CNTNAP2: variants seen among roughly 807,000 people sequenced by gnomAD.
CNTNAP2 encodes contactin-associated protein-like 2.
In CNTNAP2, 98 loss-of-function variants were observed where a neutral mutation model predicts 155.2. That is an observed-to-expected ratio of 0.63 (90% CI 0.54 to 0.75). The LOEUF is 0.75. Among genes scored for constraint, CNTNAP2 ranks in the 30% least tolerant of loss-of-function variants. The pLI is 0.00. For missense variants in CNTNAP2, 1,727 were observed against 1,688.1 expected (o/e 1.02, Z -0.40); for synonymous variants, 651 against 631.2 (o/e 1.03, Z -0.47).
chr7:148,282,905 A>G (rs912587487), intron 21 of CNTNAP2, among the ~76,000 whole-genome samples: 2 of 152,164 alleles, frequency 1.3e-5, no homozygotes, highest in Non-Finnish European at 2.9e-5. Context: ...ATACTTTTGC[A>G]TACCCAATTG....
chr7:148,102,138 A>G (rs1804113726), intron 15 of CNTNAP2, among the ~76,000 whole-genome samples: 1 of 151,954 alleles, frequency 6.6e-6, no homozygotes, highest in African/African-American at 2.4e-5. Context: ...TCCAGCCTCC[A>G]CCCTCAAGTA....
At chr7:146,688,679 G>A (rs765824045) in intron 1 of CNTNAP2, among the ~76,000 whole-genome samples, 18 of 152,100 alleles carry the variant, frequency 1.2e-4, no homozygotes, top group African/African-American at 2.4e-4. Flanking sequence ...CACTTTTGTC[G>A]TTCTTCAGTT....
chr7:146,368,422 A>C (rs937025598), intron 1 of CNTNAP2, among the ~76,000 whole-genome samples: 1 of 152,160 alleles, frequency 6.6e-6, no homozygotes, highest in Non-Finnish European at 1.5e-5. Context: ...ATGGTATTGT[A>C]CGGTACGGTG....
intron 1 of CNTNAP2, among the ~76,000 whole-genome samples, chr7:146,412,350 T>TTTG (rs1313083982): frequency 2.0e-5 from 3 of 152,102 alleles, no homozygotes; most frequent in East Asian, 3.9e-4. Flanking sequence ...AAAAGAAAGA[T>TTTG]TTGGTTTGTG....
intron 8 of CNTNAP2, among the ~76,000 whole-genome samples, chr7:147,268,676 AT>A (rs1235364490): frequency 3.9e-5 from 6 of 152,058 alleles, no homozygotes; most frequent in African/African-American, 1.4e-4. Context: ...AATAAAAAAA[AT>A]AATGGAGATA....
chr7:148,309,729 T>G (rs182175843), intron 21 of CNTNAP2, among the ~76,000 whole-genome samples: 1 of 152,192 alleles, frequency 6.6e-6, no homozygotes, highest in Non-Finnish European at 1.5e-5. Flanking sequence ...TCTTTTGTGG[T>G]GGAATGTCAT....
At chr7:147,299,398 A>G (rs1794899954) in intron 8 of CNTNAP2, among the ~76,000 whole-genome samples, 1 of 151,212 alleles carries the variant, frequency 6.6e-6, no homozygotes, top group African/African-American at 2.4e-5. Context: ...ATGAAGTGCC[A>G]TTGTTGGGGA....
intron 1 of CNTNAP2, among the ~76,000 whole-genome samples, chr7:146,532,483 T>G (rs1797783862): frequency 6.6e-6 from 1 of 152,128 alleles, no homozygotes; most frequent in Admixed American, 6.6e-5. Flanking sequence ...AAACTTGGAG[T>G]GTTATTGTAT....
At chr7:146,450,987 T>C (rs555050443) in intron 1 of CNTNAP2, among the ~76,000 whole-genome samples, 16 of 150,068 alleles carry the variant, frequency 1.1e-4, no homozygotes, top group Admixed American at 2.6e-4. Flanking sequence ...TGCCCTGTCG[T>C]CCAGGCTGGA....
At chr7:147,027,747 G>C (rs928293284) in intron 3 of CNTNAP2, among the ~76,000 whole-genome samples, 1 of 152,130 alleles carries the variant, frequency 6.6e-6, no homozygotes, top group Non-Finnish European at 1.5e-5. Context: ...GGCCAGACTC[G>C]TGAAAAGCCG....
At chr7:146,662,756 G>A (rs1476117256) in intron 1 of CNTNAP2, among the ~76,000 whole-genome samples, 1 of 152,052 alleles carries the variant, frequency 6.6e-6, no homozygotes, top group Non-Finnish European at 1.5e-5. Context: ...TTAGGTCTAT[G>A]ATTCATTTTA....
intron 1 of CNTNAP2, among the ~76,000 whole-genome samples, chr7:146,314,009 A>G (rs1489542071): frequency 6.7e-6 from 1 of 148,254 alleles, no homozygotes; most frequent in Non-Finnish European, 1.5e-5. Context: ...AAAAAATTAT[A>G]TATGTATATA....
chr7:146,272,630 A>C (rs2129083553), intron 1 of CNTNAP2, among the ~76,000 whole-genome samples: 1 of 151,882 alleles, frequency 6.6e-6, no homozygotes, highest in African/African-American at 2.4e-5. Flanking sequence ...GAGCATTTAC[A>C]AAAATGTGTA....
At chr7:147,593,494 G>C (rs1800776687) in intron 12 of CNTNAP2, among the ~76,000 whole-genome samples, 2 of 151,798 alleles carry the variant, frequency 1.3e-5, no homozygotes, top group Admixed American at 1.3e-4. Flanking sequence ...CTTGGGTTCT[G>C]TCCCCCTTTT....
rs144416550 is a variant in CNTNAP2, at chr7:147,271,945, T to C, written c.1349-28196T>C. On this transcript the variant is annotated intron_variant, in intron 8 of 23. Transcript: ENST00000361727. ...TTCACTCTTGTTGCCCAGGCTGGAG[T>C]GCTATGGCGCAGTCTTGGCTCACTG... 1.7e-3 allele frequency among the ~76,000 whole-genome samples: 257 copies of C among 152,226 alleles called. 1 individual carries two copies. Among genetic ancestry groups the C allele is most frequent in the Non-Finnish European group, 2.7e-3 (184 of 68,010 alleles).
At chr7:148,210,981 GA>G (rs1436896073) in intron 18 of CNTNAP2, among the ~76,000 whole-genome samples, 1 of 152,248 alleles carries the variant, frequency 6.6e-6, no homozygotes, top group African/African-American at 2.4e-5. Flanking sequence ...AGTTTAAGCA[GA>G]GTTGTGCCAT....
intron 16 of CNTNAP2, among the ~76,000 whole-genome samples, chr7:148,143,262 C>T (rs151003431): frequency 2.4e-4 from 37 of 152,270 alleles, no homozygotes; most frequent in African/African-American, 7.9e-4. Flanking sequence ...AGTGAAAAGA[C>T]CAAACAGCTG....
At chr7:148,088,779 A>T (rs1390234347) in intron 15 of CNTNAP2, among the ~76,000 whole-genome samples, 1 of 152,068 alleles carries the variant, frequency 6.6e-6, no homozygotes, top group African/African-American at 2.4e-5. Context: ...CCAAAAAATG[A>T]AGATGAAGAA....
At chr7:146,999,404 T>C (rs1372947146) in intron 3 of CNTNAP2, among the ~76,000 whole-genome samples, 1 of 152,008 alleles carries the variant, frequency 6.6e-6, no homozygotes, top group Non-Finnish European at 1.5e-5. Flanking sequence ...TTTTGTGTCT[T>C]AACTGTCATA....
Sources: gnomAD v4.1 joint callset for allele counts (sites outside exome capture counted in the v4.1 genomes callset) on GRCh38, gnomAD v4.1.1 for gene constraint, MANE v1.5 for transcripts, NCBI Gene and HGNC (gene_info 2026-07-23, HGNC 2026-07-21) for gene names.